NRAP: variants seen among roughly 807,000 people sequenced by gnomAD.
NRAP encodes the protein nebulin related anchoring protein.
Under a neutral mutation model 225.9 loss-of-function variants are expected in NRAP, and 189 were observed. That is an observed-to-expected ratio of 0.84 (90% CI 0.74 to 0.94). NRAP has a LOEUF of 0.94. NRAP is among the 40% of genes least tolerant of loss of function. NRAP has a pLI of 0.00. For synonymous variants in NRAP, 769 were observed against 790.7 expected (o/e 0.97, Z 0.46); for missense variants, 2,176 against 2,168.7 (o/e 1.00, Z -0.07).
rs191470066 is a variant in NRAP, at chr10:113,658,896, A to G, written c.256-1322T>C. On this transcript the variant is annotated intron_variant, in intron 3 of 41. Transcript: ENST00000359988. ...GACCCTGTCTCAAAAAAAAAAAAAA[A>G]AAAGAAAGAAAGAAAGAAATCTGAA... 4.1e-3 allele frequency among the ~76,000 whole-genome samples: 627 copies of G among 151,318 alleles called. 3 individuals are homozygous for G. The highest frequency in any genetic ancestry group is 0.013 in the African/African-American group (536 of 41,180).
chr10:113,590,250 C>CACTT (rs1291232847), intron 40 of NRAP, among the ~76,000 whole-genome samples: 7 of 152,142 alleles, frequency 4.6e-5, no homozygotes, highest in Non-Finnish European at 8.8e-5. Flanking sequence ...CCAGGTCTGC[C>CACTT]ACTTATTTGT....
intron 38 of NRAP, among the ~76,000 whole-genome samples, chr10:113,593,359 A>G (rs1280301982): frequency 6.6e-6 from 1 of 152,038 alleles, no homozygotes; most frequent in Non-Finnish European, 1.5e-5. Context: ...AAAGTGCCCC[A>G]CCCCATCCCA....
chr10:113,639,290 A>G (rs954196366), intron 14 of NRAP, among the ~76,000 whole-genome samples: 1 of 152,154 alleles, frequency 6.6e-6, no homozygotes, highest in Admixed American at 6.5e-5. Context: ...ATCATTTGCC[A>G]ATGATTGTCC....
At position 113,588,873 on chromosome 10, in the gene NRAP, G is replaced by C; in HGVS notation, c.*102C>G. 1 of 797,024 alleles carries C rather than the reference G, an allele frequency of 1.3e-6. No homozygotes were observed. The highest frequency in any genetic ancestry group is 2.0e-5 in the Admixed American group (1 of 49,954). 49.4% of individuals were successfully genotyped at this position (797,024 alleles called of 1,614,324 possible). On this transcript the variant is annotated 3_prime_UTR_variant, in exon 42 of 42. Coordinates refer to ENST00000359988, the MANE Select transcript of NRAP (RefSeq NM_198060.4). ...TTTAATAAAGGAAGATCTGGGATGG[G>C]CTGGTGGGCCATTCCAGCTTGCCGA...
intron 4 of NRAP, among the ~76,000 whole-genome samples, chr10:113,655,534 C>T (rs966681355): frequency 1.4e-4 from 21 of 151,692 alleles, no homozygotes; most frequent in African/African-American, 4.8e-4. Flanking sequence ...CAGCTCACTG[C>T]AACCTCCGCC....
rs543912306 is a variant in NRAP at position 113,615,587 on chromosome 10, T to G, written c.3078+125A>C. The G allele has an allele frequency of 4.4e-6, 3 of 686,086 alleles. No individual in the cohort carries two copies. The East Asian group carries it at 8.2e-5, about 19-fold the overall frequency. 42.5% of individuals were successfully genotyped at this position (686,086 alleles called of 1,614,324 possible). Reference sequence around the variant, plus strand: ...CCCTTGTTCAAAAATATCACATATTTCAAGGTGGTGATGGCAGAACATGAA... The same window carrying G: ...CCCTTGTTCAAAAATATCACATATTGCAAGGTGGTGATGGCAGAACATGAA... On this transcript the variant is annotated intron_variant, in intron 27 of 41. Coordinates refer to ENST00000359988, the MANE Select transcript of NRAP (RefSeq NM_198060.4).
chr10:113,655,885 G>GA (rs1261105849), intron 4 of NRAP, among the ~76,000 whole-genome samples: 2 of 152,016 alleles, frequency 1.3e-5, no homozygotes, highest in Admixed American at 1.3e-4. Context: ...ATTGTTTCAT[G>GA]AAAAAAGTAT....
Position 113,648,974 on chromosome 10 carries a change from AT to A in NRAP, c.888+1062del, listed in dbSNP as rs566432565. Among the ~76,000 whole-genome samples, 52 of 152,220 alleles carry A rather than the reference AT, an allele frequency of 3.4e-4. 1 individual carries two copies. Among genetic ancestry groups the A allele is most frequent in the Non-Finnish European group, 5.9e-4 (40 of 67,990 alleles). On this transcript the variant is annotated intron_variant, in intron 9 of 41. Coordinates refer to ENST00000359988, the MANE Select transcript of NRAP (RefSeq NM_198060.4). ...ACTTTTTGCCAAATATAGAAGCCAG[AT>A]TTTTTTTAAGCTGATTTTTAAAAGT...
At chr10:113,653,296 G>A (rs539999344) in intron 5 of NRAP, among the ~76,000 whole-genome samples, 1 of 152,278 alleles carries the variant, frequency 6.6e-6, no homozygotes, top group Admixed American at 6.5e-5. Flanking sequence ...CAACTCAAGG[G>A]CTGCCCTTTG....
At position 113,629,039 on chromosome 10, in the gene NRAP, C is replaced by A; in HGVS notation, c.2041-18G>T. ...TACTGCAGCTACAAAAGAAAAACCA[C>A]AAAGCTCTCATTGGGCGCATGGATA... On this transcript the variant is annotated intron_variant, in intron 19 of 41. Coordinates refer to ENST00000359988, the MANE Select transcript of NRAP (RefSeq NM_198060.4). The A allele has an allele frequency of 1.9e-6, 3 of 1,563,454 alleles. No homozygotes were observed. Among genetic ancestry groups the A allele is most frequent in the Non-Finnish European group, 1.8e-6 (2 of 1,133,652 alleles).
At chr10:113,616,905 T>C (rs1320827170) in intron 26 of NRAP, among the ~76,000 whole-genome samples, 4 of 152,112 alleles carry the variant, frequency 2.6e-5, no homozygotes, top group African/African-American at 9.7e-5. Flanking sequence ...CCTGCAACCC[T>C]GCACCCCAGC....
At chr10:113,620,751 G>A (rs767171215) in intron 24 of NRAP, 43 bp from the exon 25 acceptor site, 1 of 1,406,090 alleles carries the variant, frequency 7.1e-7, no homozygotes. Flanking sequence ...GGCCATTGTT[G>A]GTGCACAGAC....
chr10:113,645,227 A>G (rs1849430657), intron 11 of NRAP, among the ~76,000 whole-genome samples: 1 of 152,232 alleles, frequency 6.6e-6, no homozygotes, highest in Non-Finnish European at 1.5e-5. Flanking sequence ...CTTTCTGGCA[A>G]CTAGAAGCCT....
chr10:113,613,054 G>C (rs1044650311), intron 29 of NRAP, among the ~76,000 whole-genome samples: 5 of 152,084 alleles, frequency 3.3e-5, no homozygotes, highest in Non-Finnish European at 7.4e-5. Flanking sequence ...AAAGGTCTGG[G>C]AAACTCTGGG....
chr10:113,659,466 T>C (rs1336142350), intron 3 of NRAP, among the ~76,000 whole-genome samples: 1 of 152,202 alleles, frequency 6.6e-6, no homozygotes, highest in East Asian at 1.9e-4. Context: ...ATAGATATTC[T>C]GTCCACTTCT....
At chr10:113,655,197 C>G (rs1207605096) in intron 4 of NRAP, among the ~76,000 whole-genome samples, 1 of 152,184 alleles carries the variant, frequency 6.6e-6, no homozygotes, top group Non-Finnish European at 1.5e-5. Flanking sequence ...TGTTGGGAAA[C>G]AGGCATTCTC....
At chr10:113,602,322 C>A (rs1846656864) in intron 35 of NRAP, among the ~76,000 whole-genome samples, 1 of 152,180 alleles carries the variant, frequency 6.6e-6, no homozygotes. Context: ...GCCTCTCTAC[C>A]TTCCTCAGGT....
chr10:113,590,808 G>T lies in NRAP; in HGVS notation c.4726C>A (p.His1576Asn), dbSNP rs750709111. The change falls in exon 40 of 42, where the codon CAT becomes AAT. Residue 1576 changes from histidine (H) to asparagine (N), a missense_variant. By Grantham distance (68) the His-to-Asn change is moderately conservative. Coordinates refer to ENST00000359988, the MANE Select transcript of NRAP (RefSeq NM_198060.4). ...RSVDDDPRMK[H>N]FLNVGRLQSD... ...TGGAGCCTGCCAACGTTGAGGAAATGCTTCATCCTTGGGTCATCGTCGACA... is the reference window on the plus strand; with the variant it reads ...TGGAGCCTGCCAACGTTGAGGAAATTCTTCATCCTTGGGTCATCGTCGACA... The T allele has an allele frequency of 1.2e-6, 2 of 1,614,200 alleles. No individual in the cohort carries two copies. The highest frequency in any genetic ancestry group is 1.1e-5 in the South Asian group (1 of 91,090).
At chr10:113,660,137 T>C (rs1321875292) in intron 3 of NRAP, among the ~76,000 whole-genome samples, 1 of 151,546 alleles carries the variant, frequency 6.6e-6, no homozygotes, top group Non-Finnish European at 1.5e-5. Context: ...TACATACATA[T>C]ATACACTCAC....
Sources: allele counts gnomAD v4.1 joint callset (sites outside exome capture counted in the v4.1 genomes callset), GRCh38; gene constraint gnomAD v4.1.1; transcripts MANE v1.5; gene names NCBI Gene and HGNC (gene_info 2026-07-23, HGNC 2026-07-21).